TANC2: variants seen among roughly 807,000 people sequenced by gnomAD.
TANC2 encodes tetratricopeptide repeat, ankyrin repeat and coiled-coil containing 2.
A neutral mutation model predicts 210.5 loss-of-function variants in TANC2; 26 were observed. The observed-to-expected ratio is 0.12, with a 90% CI of 0.09 to 0.17. The LOEUF is 0.17. Ranked by LOEUF, TANC2 falls within the 10% of genes least tolerant of loss-of-function variation. The pLI, the probability that TANC2 is intolerant of heterozygous loss-of-function variation, is 1.00. For synonymous variants in TANC2, 931 were observed against 967.1 expected, an observed-to-expected ratio of 0.96 and a Z score of 0.69; for missense variants, 2,129 against 2,608.9, an observed-to-expected ratio of 0.82 and a Z score of 4.01.
intron 4 of TANC2, among the ~76,000 whole-genome samples, chr17:63,140,099 A>G (rs1054989439): frequency 2.0e-5 from 3 of 152,210 alleles, no homozygotes; most frequent in African/African-American, 7.2e-5. Flanking sequence ...CTAGAAAATC[A>G]ATATCATGAA....
chr17:63,019,438 A>C (rs2143974468), intron 2 of TANC2, among the ~76,000 whole-genome samples: 1 of 152,126 alleles, frequency 6.6e-6, no homozygotes, highest in African/African-American at 2.4e-5. Flanking sequence ...GGCTGATCTC[A>C]AACTCCTGGC....
chr17:63,222,848 C>T (rs1478507426), intron 7 of TANC2, among the ~76,000 whole-genome samples: 1 of 152,080 alleles, frequency 6.6e-6, no homozygotes, highest in Non-Finnish European at 1.5e-5. Context: ...TTCCCAGCAG[C>T]AGTATTCACA....
chr17:63,098,259 C>T (rs1293546064), intron 3 of TANC2, among the ~76,000 whole-genome samples: 1 of 151,964 alleles, frequency 6.6e-6, no homozygotes, highest in Non-Finnish European at 1.5e-5. Context: ...ACTGTCAATG[C>T]AAAACTGTCT....
chr17:63,241,757 T>C (rs1391047867), intron 8 of TANC2, among the ~76,000 whole-genome samples: 6 of 152,228 alleles, frequency 3.9e-5, no homozygotes, highest in African/African-American at 1.4e-4. Context: ...GAAACTGTTT[T>C]AGACTTTATG....
chr17:62,971,891 A>G (rs2031716171), intron 1 of TANC2, among the ~76,000 whole-genome samples: 2 of 152,088 alleles, frequency 1.3e-5, no homozygotes, highest in African/African-American at 2.4e-5. Context: ...TCATCCCCAA[A>G]CCATCTCTGC....
chr17:63,347,411 T>A (rs1392733110), intron 12 of TANC2, among the ~76,000 whole-genome samples: 1 of 152,212 alleles, frequency 6.6e-6, no homozygotes, highest in Non-Finnish European at 1.5e-5. Flanking sequence ...ACAGTATTGC[T>A]TACATGAGTA....
chr17:63,309,067 A>G (rs987845652), intron 9 of TANC2, among the ~76,000 whole-genome samples: 1 of 152,090 alleles, frequency 6.6e-6, no homozygotes, highest in South Asian at 2.1e-4. Context: ...ATGATTCTGG[A>G]AAGTATTCCT....
At chr17:63,119,762 T>TC (rs1464876573) in intron 4 of TANC2, among the ~76,000 whole-genome samples, 1 of 152,166 alleles carries the variant, frequency 6.6e-6, no homozygotes, top group Non-Finnish European at 1.5e-5. Context: ...CACCTGTAAT[T>TC]CCAGCACTTT....
In TANC2 at chr17:63,307,424, T is replaced by G. The variant is rs538367464; in HGVS notation, c.1160-6964T>G. ...GGTGCTTATATCAATTCATGTAAGT[T>G]TCCTTCCCCCGATGTAATCTAAAAA... On this transcript the variant is annotated intron_variant, in intron 9 of 27. Coordinates refer to ENST00000689528, the Ensembl canonical transcript of TANC2. Among the ~76,000 whole-genome samples, 6 of 152,308 alleles carry G rather than the reference T, an allele frequency of 3.9e-5. No individual in the cohort carries two copies. The South Asian group carries it at 1.2e-3, about 32-fold the overall frequency.
At chr17:63,160,160 C>T (rs1306503715) in intron 5 of TANC2, among the ~76,000 whole-genome samples, 3 of 152,178 alleles carry the variant, frequency 2.0e-5, no homozygotes, top group African/African-American at 7.2e-5. Flanking sequence ...TTACTTTCTC[C>T]AAATACAGCC....
chr17:63,271,589 T>A (rs996700334), intron 9 of TANC2, among the ~76,000 whole-genome samples: 18 of 152,052 alleles, frequency 1.2e-4, no homozygotes, highest in Non-Finnish European at 2.5e-4. Flanking sequence ...GTATTTATCC[T>A]AATGCTGTTC....
chr17:63,410,714 A>G lies in TANC2; in HGVS notation c.3590-797A>G, dbSNP rs141150133. On this transcript the variant is annotated intron_variant, in intron 21 of 27. Transcript: ENST00000689528. ...CATCTCTACTAAAAATACAAAAATT[A>G]GCCAGGCATGGTGGTGCATGCCTTT... Among the ~76,000 whole-genome samples the G allele has an allele frequency of 2.6e-3, 398 of 152,046 alleles. 1 individual carries two copies. Among genetic ancestry groups the G allele is most frequent in the African/African-American group, 9.2e-3 (381 of 41,468 alleles).
At chr17:63,122,738 GAAACA>G (rs1391310740) in intron 4 of TANC2, among the ~76,000 whole-genome samples, 1 of 151,928 alleles carries the variant, frequency 6.6e-6, no homozygotes, top group Non-Finnish European at 1.5e-5. Context: ...TCTCAAAAAA[GAAACA>G]AAACAAAAAC....
intron 5 of TANC2, among the ~76,000 whole-genome samples, chr17:63,190,273 G>A (rs1411083501): frequency 3.3e-5 from 5 of 152,202 alleles, no homozygotes; most frequent in African/African-American, 2.4e-5. Context: ...CCAGGAGGTC[G>A]AGGCTGCAGT....
At chr17:63,037,432 TAGAA>T (rs1369787493) in intron 2 of TANC2, among the ~76,000 whole-genome samples, 16 of 152,116 alleles carry the variant, frequency 1.1e-4, no homozygotes, top group African/African-American at 2.7e-4. Flanking sequence ...ACTGAAACCA[TAGAA>T]AGAGAAATCA....
intron 4 of TANC2, among the ~76,000 whole-genome samples, chr17:63,122,661 G>A (rs958710104): frequency 1.3e-5 from 2 of 150,868 alleles, no homozygotes; most frequent in African/African-American, 4.9e-5. Flanking sequence ...AAACCTGGGA[G>A]GTAGAGGTTA....
intron 9 of TANC2, among the ~76,000 whole-genome samples, chr17:63,291,553 G>A (rs1319786601): frequency 6.6e-6 from 1 of 152,210 alleles, no homozygotes; most frequent in African/African-American, 2.4e-5. Context: ...AAGGGTAGCA[G>A]TGTAGGGATG....
intron 12 of TANC2, among the ~76,000 whole-genome samples, chr17:63,348,330 C>G (rs1044625593): frequency 6.6e-6 from 1 of 152,134 alleles, no homozygotes; most frequent in African/African-American, 2.4e-5. Flanking sequence ...GAAGAAAGTT[C>G]ACGTATTTGT....
At chr17:63,423,232 C>A (rs1349533711) in exon 28 of TANC2, 3 of 152,130 alleles carry the variant, frequency 2.0e-5, no homozygotes, top group African/African-American at 4.8e-5. Flanking sequence ...AAAACTGTTT[C>A]AGGGTGAAGA....
Sources: gnomAD v4.1 joint callset for allele counts (sites outside exome capture counted in the v4.1 genomes callset) on GRCh38, gnomAD v4.1.1 for gene constraint, MANE v1.5 for transcripts, NCBI Gene and HGNC (gene_info 2026-07-23, HGNC 2026-07-21) for gene names.